JAKMIP2: variants seen among roughly 807,000 people sequenced by gnomAD.
JAKMIP2 encodes janus kinase and microtubule interacting protein 2, also known as janus kinase and microtubule-interacting protein 2.
In JAKMIP2, 25 loss-of-function variants were observed where a neutral mutation model predicts 115.0. The ratio of observed to expected loss-of-function variants is 0.22; its 90% CI spans 0.16 to 0.30. The LOEUF (loss-of-function observed/expected upper bound fraction) is 0.30, where lower values mean the gene tolerates loss of function less well. Among genes scored for constraint, JAKMIP2 ranks in the 10% least tolerant of loss-of-function variants. The pLI, the probability that JAKMIP2 is intolerant of heterozygous loss-of-function variation, is 1.00. For missense variants in JAKMIP2, 642 were observed against 957.6 expected, an observed-to-expected ratio of 0.67 and a Z score of 4.35; for synonymous variants, 334 against 343.6, an observed-to-expected ratio of 0.97 and a Z score of 0.31.
At chr5:147,606,307 T>C (rs554642406) in intron 20 of JAKMIP2, among the ~76,000 whole-genome samples, 27 of 152,366 alleles carry the variant, frequency 1.8e-4, no homozygotes, top group African/African-American at 5.8e-4. Flanking sequence ...AAGGTTTTTA[T>C]GGTTTTAGGT....
chr5:147,597,856 T>C (rs1344660800), intron 21 of JAKMIP2, among the ~76,000 whole-genome samples: 1 of 152,092 alleles, frequency 6.6e-6, no homozygotes, highest in Non-Finnish European at 1.5e-5. Context: ...GAAGGTGGAG[T>C]GAATGCCTAG....
chr5:147,586,247 T>G lies in JAKMIP2; in HGVS notation c.*5460A>C, dbSNP rs2126528992. The G allele has an allele frequency of 6.6e-6, 1 of 152,264 alleles. No homozygotes were observed. Among genetic ancestry groups the G allele is most frequent in the South Asian group, 2.1e-4 (1 of 4,822 alleles). The allele number at this position is 152,264 out of a possible 1,614,324, so 9.4% of individuals were successfully genotyped here. A position where few individuals can be genotyped will look rare whatever the true frequency, so the allele number is the denominator to read the frequency against. ...TGCATCCTAGAACAGAAGTACACGT[T>G]TAGTAAGCGCTCACACCATCATACT... On this transcript the variant is annotated 3_prime_UTR_variant, in exon 22 of 22. Coordinates refer to ENST00000616793, the MANE Select transcript of JAKMIP2 (RefSeq NM_001270941.2).
intron 1 of JAKMIP2, among the ~76,000 whole-genome samples, chr5:147,676,036 A>G (rs1262544487): frequency 1.3e-5 from 2 of 152,082 alleles, no homozygotes; most frequent in African/African-American, 2.4e-5. Flanking sequence ...CTTGAGTGCA[A>G]AAAAGAGAGT....
At chr5:147,675,317 G>A (rs915079739) in intron 1 of JAKMIP2, among the ~76,000 whole-genome samples, 1 of 152,054 alleles carries the variant, frequency 6.6e-6, no homozygotes, top group Non-Finnish European at 1.5e-5. Flanking sequence ...ATCAGCCTAT[G>A]GGTGCCTTAA....
chr5:147,763,273 C>A (rs1754996696), intron 1 of JAKMIP2, among the ~76,000 whole-genome samples: 1 of 152,112 alleles, frequency 6.6e-6, no homozygotes, highest in Non-Finnish European at 1.5e-5. Context: ...AAATTACCCC[C>A]TTTCAGTTCT....
intron 7 of JAKMIP2, 47 bp downstream of exon 7, chr5:147,644,011 C>T: frequency 6.9e-7 from 1 of 1,459,760 alleles, no homozygotes; most frequent in Non-Finnish European, 9.2e-7. Flanking sequence ...TTGTTGGCTA[C>T]TTGTCCTTGG....
At chr5:147,697,936 G>A (rs1450816179) in intron 1 of JAKMIP2, among the ~76,000 whole-genome samples, 1 of 152,216 alleles carries the variant, frequency 6.6e-6, no homozygotes, top group African/African-American at 2.4e-5. Context: ...GCTGTGAGAA[G>A]AGGACCACTG....
chr5:147,683,937 A>C lies in JAKMIP2; in HGVS notation c.-148-11983T>G, dbSNP rs368259970. On this transcript the variant is annotated intron_variant, in intron 1 of 21. Coordinates refer to ENST00000616793, the MANE Select transcript of JAKMIP2 (RefSeq NM_001270941.2). ...TAATTTTCCATACTTTACATAAGAG[A>C]AACTGGCTATTAGTATTTTCCCTAT... Among the ~76,000 whole-genome samples the C allele has an allele frequency of 1.4e-3, 217 of 152,326 alleles. 5 individuals carry two copies. Among genetic ancestry groups the C allele is most frequent in the African/African-American group, 5.1e-3 (211 of 41,576 alleles).
At chr5:147,708,727 T>C (rs1561551043) in intron 1 of JAKMIP2, among the ~76,000 whole-genome samples, 2 of 152,176 alleles carry the variant, frequency 1.3e-5, no homozygotes, top group Admixed American at 6.5e-5. Context: ...TGTTGCAAAA[T>C]GCAATGAATT....
intron 10 of JAKMIP2, 146 bp downstream of exon 10, chr5:147,639,486 T>G: frequency 1.1e-6 from 1 of 885,600 alleles, no homozygotes. Context: ...CAAGGTTTGT[T>G]GACATAAAAG....
At chr5:147,751,656 G>A (rs1056879718) in intron 1 of JAKMIP2, among the ~76,000 whole-genome samples, 13 of 152,040 alleles carry the variant, frequency 8.6e-5, no homozygotes, top group African/African-American at 2.7e-4. Context: ...AGCAGTGTGC[G>A]CTCAGCAATA....
At chr5:147,694,032 G>C (rs4476710) in intron 1 of JAKMIP2, among the ~76,000 whole-genome samples, 42,109 of 151,896 alleles carry the variant, frequency 0.28, 6,806 homozygotes, top group East Asian at 0.5. Context: ...GTCTGCAGCT[G>C]GGCTACATCA....
At chr5:147,736,641 G>T (rs945558884) in intron 1 of JAKMIP2, among the ~76,000 whole-genome samples, 3 of 151,446 alleles carry the variant, frequency 2.0e-5, no homozygotes, top group Admixed American at 2.0e-4. Context: ...ATATTTATAA[G>T]GGGTATCATA....
chr5:147,656,039 T>C (rs1043858382), intron 3 of JAKMIP2, among the ~76,000 whole-genome samples: 2 of 152,390 alleles, frequency 1.3e-5, no homozygotes, highest in Admixed American at 6.5e-5. Context: ...TCTAATTTCA[T>C]TGCACTGTGG....
At chr5:147,686,046 C>T (rs1056213526) in intron 1 of JAKMIP2, among the ~76,000 whole-genome samples, 4 of 152,152 alleles carry the variant, frequency 2.6e-5, no homozygotes, top group African/African-American at 7.2e-5. Context: ...AATGGCCATG[C>T]TTTTGGCATA....
chr5:147,664,345 C>A (rs992739182), intron 2 of JAKMIP2, among the ~76,000 whole-genome samples: 1 of 152,124 alleles, frequency 6.6e-6, no homozygotes, highest in Admixed American at 6.6e-5. Flanking sequence ...AAAATCTCAA[C>A]AGCCCAGCTT....
At chr5:147,637,308 C>T (rs9686194) in intron 10 of JAKMIP2, among the ~76,000 whole-genome samples, 33,146 of 151,654 alleles carry the variant, frequency 0.22, 4,567 homozygotes, top group East Asian at 0.59. Flanking sequence ...CAGCCTAGAG[C>T]CAAACCCTCA....
intron 1 of JAKMIP2, among the ~76,000 whole-genome samples, chr5:147,779,416 GT>G (rs760497755): frequency 9.2e-5 from 14 of 151,458 alleles, no homozygotes; most frequent in Admixed American, 9.2e-4. Flanking sequence ...CATATAATTT[GT>G]TTTTTTAAAA....
intron 15 of JAKMIP2, 41 bp from the exon 16 acceptor site, chr5:147,628,857 AT>A: frequency 6.9e-7 from 1 of 1,455,728 alleles, no homozygotes. Flanking sequence ...ACATACTGAC[AT>A]TATTTACCCC....
Sources: gnomAD v4.1 joint callset for allele counts (sites outside exome capture counted in the v4.1 genomes callset) on GRCh38, gnomAD v4.1.1 for gene constraint, MANE v1.5 for transcripts, NCBI Gene and HGNC (gene_info 2026-07-23, HGNC 2026-07-21) for gene names.